CC2D2B: variants seen among roughly 807,000 people sequenced by gnomAD.
CC2D2B encodes coiled-coil and C2 domain containing 2B, also known as protein CC2D2B.
In CC2D2B, 128 loss-of-function variants were observed where a neutral mutation model predicts 161.2. The observed-to-expected ratio is 0.79, with a 90% CI of 0.69 to 0.92. The LOEUF is 0.92. Ranked by LOEUF, CC2D2B falls within the 40% of genes least tolerant of loss-of-function variation. The pLI is 0.00. For missense variants in CC2D2B, 1,173 were observed against 1,375.1 expected (o/e 0.85, Z 2.32); for synonymous variants, 391 against 449.8 (o/e 0.87, Z 1.65).
intron 5 of CC2D2B, 138 bp downstream of exon 5, chr10:95,924,982 C>T (rs571709682): frequency 1.8e-6 from 1 of 541,680 alleles, no homozygotes; most frequent in African/African-American, 1.9e-5. Flanking sequence ...ATCAATACCA[C>T]AGTTTAGTTT....
At chr10:95,977,166 T>C (rs1029383494) in intron 17 of CC2D2B, among the ~76,000 whole-genome samples, 2 of 152,194 alleles carry the variant, frequency 1.3e-5, no homozygotes, top group Non-Finnish European at 2.9e-5. Context: ...AGTCAGGAGT[T>C]TGAGACCAGC....
At chr10:95,943,726 C>G (rs1590487732) in intron 9 of CC2D2B, among the ~76,000 whole-genome samples, 1 of 151,950 alleles carries the variant, frequency 6.6e-6, no homozygotes, top group South Asian at 2.1e-4. Flanking sequence ...CACTATGAAT[C>G]TTTTTATTAT....
intron 9 of CC2D2B, among the ~76,000 whole-genome samples, chr10:95,939,611 G>A (rs755628551): frequency 2.6e-5 from 4 of 152,212 alleles, no homozygotes; most frequent in African/African-American, 9.6e-5. Context: ...TAAGAAGTGT[G>A]TGAGAGTTTC....
At position 96,032,004 on chromosome 10, in the gene CC2D2B, A is replaced by T. The variant is rs1336459; in HGVS notation, c.4310A>T (p.Gln1437Leu). ...WVYLASLVQH[Q>L] ...TATTTGGCTTCCTTAGTTCAACATC[A>T]ATGAAAAGGAAGCAGAGCAAAGTAA... The change falls in exon 35 of 35, where the codon CAA becomes CTA. Residue 1437 changes from glutamine to leucine, a missense_variant. This residue lies in a region of CC2D2B where 598 missense variants were observed against 693.2 expected (regional missense o/e 0.86). Coordinates refer to ENST00000646931, the MANE Select transcript of CC2D2B (RefSeq NM_001349008.3). The T allele has an allele frequency of 0.045, 72,878 of 1,610,422 alleles. 2,548 individuals carry two copies. Among genetic ancestry groups the T allele is most frequent in the Admixed American group, 0.17 (10,234 of 59,748 alleles).
chr10:95,992,416 T>A lies in CC2D2B; in HGVS notation c.2472-111T>A, dbSNP rs907142241. On this transcript the variant is annotated intron_variant, in intron 21 of 34. Coordinates refer to ENST00000646931, the MANE Select transcript of CC2D2B (RefSeq NM_001349008.3). The stretch of plus-strand genomic sequence containing the variant: ...AGACAATTCTGTCTCCCCTCCATAA[T>A]GCAGAGAATATGGTTTAGAATAATG... 7.3e-6 allele frequency: 6 copies of A among 826,556 alleles called. No individual in the cohort carries two copies. The East Asian group carries it at 1.7e-4, about 23-fold the overall frequency. The allele number at this position is 826,556 out of a possible 1,614,324, so 51.2% of individuals were successfully genotyped here. A position where few individuals can be genotyped will look rare whatever the true frequency, so the allele number is the denominator to read the frequency against.
At chr10:95,941,590 A>G (rs2076025029) in intron 9 of CC2D2B, among the ~76,000 whole-genome samples, 1 of 152,182 alleles carries the variant, frequency 6.6e-6, no homozygotes, top group Non-Finnish European at 1.5e-5. Flanking sequence ...AAACATGCCT[A>G]ACATCACTAA....
intron 28 of CC2D2B, 70 bp from the exon 29 acceptor site, chr10:96,013,718 G>A: frequency 1.2e-6 from 1 of 809,802 alleles, no homozygotes; most frequent in Non-Finnish European, 2.0e-6. Flanking sequence ...AAATGAGAGA[G>A]TGCATGTAAA....
At chr10:95,982,861 T>TC (rs2077580301) in intron 18 of CC2D2B, among the ~76,000 whole-genome samples, 2 of 152,136 alleles carry the variant, frequency 1.3e-5, no homozygotes, top group South Asian at 4.2e-4. Context: ...AACCTCCGCC[T>TC]CCCAGGTTCC....
intron 6 of CC2D2B, among the ~76,000 whole-genome samples, chr10:95,934,247 C>T (rs1784153601): frequency 6.6e-6 from 1 of 152,160 alleles, no homozygotes; most frequent in Admixed American, 6.5e-5. Context: ...GCTTGAGCGT[C>T]CCAGGTCGAC....
intron 2 of CC2D2B, among the ~76,000 whole-genome samples, chr10:95,916,263 T>C (rs1262719579): frequency 6.6e-6 from 1 of 152,130 alleles, no homozygotes; most frequent in East Asian, 1.9e-4. Context: ...TTTTCATTTC[T>C]GATTTTATTT....
At chr10:95,975,473 A>C (rs2077281378) in intron 17 of CC2D2B, among the ~76,000 whole-genome samples, 1 of 152,206 alleles carries the variant, frequency 6.6e-6, no homozygotes, top group African/African-American at 2.4e-5. Flanking sequence ...AAATAACAGA[A>C]GACAAAAGAA....
chr10:95,957,025 G>C (rs1486157993), intron 11 of CC2D2B, among the ~76,000 whole-genome samples: 1 of 152,126 alleles, frequency 6.6e-6, no homozygotes, highest in African/African-American at 2.4e-5. Context: ...CCAGAGGAAG[G>C]CTTGGGTGGT....
At chr10:96,013,555 T>C (rs1284989841) in intron 28 of CC2D2B, among the ~76,000 whole-genome samples, 1 of 151,772 alleles carries the variant, frequency 6.6e-6, no homozygotes, top group African/African-American at 2.4e-5. Context: ...CCCTGTGCAG[T>C]CAGCCCAACT....
chr10:96,019,007 A>G, intron 30 of CC2D2B, 196 bp from the exon 31 acceptor site: 3 of 466,764 alleles, frequency 6.4e-6, no homozygotes, highest in Non-Finnish European at 1.1e-5. Flanking sequence ...GGGTTTCCTT[A>G]TGTTGCCCAG....
chr10:95,917,292 T>C (rs1309841144), intron 2 of CC2D2B, among the ~76,000 whole-genome samples: 2 of 152,168 alleles, frequency 1.3e-5, no homozygotes, highest in Non-Finnish European at 2.9e-5. Flanking sequence ...TTCTTATGGG[T>C]CATTGAGTCT....
intron 2 of CC2D2B, among the ~76,000 whole-genome samples, chr10:95,912,789 T>C (rs1443293866): frequency 6.6e-6 from 1 of 152,218 alleles, no homozygotes; most frequent in Admixed American, 6.5e-5. Context: ...AGGCCTTTTT[T>C]ATATTCCAGA....
At chr10:95,962,774 T>G (rs1180476732) in intron 12 of CC2D2B, among the ~76,000 whole-genome samples, 1 of 151,594 alleles carries the variant, frequency 6.6e-6, no homozygotes, top group Non-Finnish European at 1.5e-5. Flanking sequence ...TTTTTTTTTT[T>G]TTTTTTTTAA....
rs965325390 is a variant in CC2D2B, at chr10:95,988,252, G to A, written c.2289G>A (p.Glu763=). The change falls in exon 20 of 35, where the codon GAG becomes GAA. Residue 763 remains glutamate, a splice_region_variant and synonymous_variant. Transcript: ENST00000646931. ...GAAACTAACAATTCTGTATTTAGGA[G>A]TATGAAAGTCAGAAAGAGAAGGAGG... ...DTEIPDLVFQ[E]YESQKEKEVS... is the part of the protein sequence containing the mutation. 2.9e-5 allele frequency: 34 copies of A among 1,185,208 alleles called. No homozygotes were observed. Among genetic ancestry groups the A allele is most frequent in the Non-Finnish European group, 3.5e-5 (33 of 943,866 alleles). The allele number at this position is 1,185,208 out of a possible 1,614,324, so 73.4% of individuals were successfully genotyped here.
At position 96,032,646 on chromosome 10, in the gene CC2D2B, G is replaced by A. The variant is rs2080101006; in HGVS notation, c.*638G>A. On this transcript the variant is annotated 3_prime_UTR_variant, in exon 35 of 35. Coordinates refer to ENST00000646931, the MANE Select transcript of CC2D2B (RefSeq NM_001349008.3). ...TCATGGATAAAATGTTATTTCACTG[G>A]TAAAGAAAAATAAAATAAAATCTAC... 2.8e-6 allele frequency: 1 copy of A among 353,546 alleles called. No individual in the cohort carries two copies. Among genetic ancestry groups the A allele is most frequent in the South Asian group, 2.4e-5 (1 of 41,486 alleles). 21.9% of individuals were successfully genotyped at this position (353,546 alleles called of 1,614,324 possible).
Sources: gnomAD v4.1 joint callset for allele counts (sites outside exome capture counted in the v4.1 genomes callset) on GRCh38, gnomAD v4.1.1 for gene constraint, gnomAD v4.1.1 regional missense constraint, MANE v1.5 for transcripts, NCBI Gene and HGNC (gene_info 2026-07-23, HGNC 2026-07-21) for gene names.